MYT1L: variants seen among roughly 807,000 people sequenced by gnomAD.
The protein encoded by MYT1L is myelin transcription factor 1 like, also known as myelin transcription factor 1-like protein.
MYT1L carries 12 observed loss-of-function variants against 126.7 expected under a neutral mutation model. The observed-to-expected ratio is 0.09, with a 90% confidence interval of 0.06 to 0.15. The LOEUF (loss-of-function observed/expected upper bound fraction) is 0.15, where lower values mean the gene tolerates loss of function less well. Among genes scored for constraint, MYT1L ranks in the 10% least tolerant of loss-of-function variants. The pLI is 1.00. For synonymous variants in MYT1L, 541 were observed against 604.2 expected (o/e 0.90, Z 1.53); for missense variants, 979 against 1,585.2 (o/e 0.62, Z 6.49).
chr2:1,944,655 C>T (rs2149272184), intron 8 of MYT1L, among the ~76,000 whole-genome samples: 1 of 152,254 alleles, frequency 6.6e-6, no homozygotes, highest in East Asian at 1.9e-4. Flanking sequence ...TTGGGCAACT[C>T]CTCTATTTTG....
chr2:1,933,776 T>G (rs2149195813), intron 9 of MYT1L, among the ~76,000 whole-genome samples: 1 of 152,238 alleles, frequency 6.6e-6, no homozygotes, highest in African/African-American at 2.4e-5. Flanking sequence ...GGACACTGCC[T>G]AGCACAGTGC....
At chr2:2,298,623 G>C (rs1331932248) in intron 1 of MYT1L, among the ~76,000 whole-genome samples, 1 of 152,196 alleles carries the variant, frequency 6.6e-6, no homozygotes, top group Non-Finnish European at 1.5e-5. Flanking sequence ...ACACACCTGA[G>C]TTCTGGGAGG....
intron 4 of MYT1L, among the ~76,000 whole-genome samples, chr2:2,016,560 C>T (rs1010951633): frequency 6.6e-6 from 1 of 152,230 alleles, no homozygotes; most frequent in African/African-American, 2.4e-5. Flanking sequence ...AGGAATCCAA[C>T]ACCCTTCTCT....
intron 3 of MYT1L, among the ~76,000 whole-genome samples, chr2:2,110,254 G>C (rs1364048717): frequency 6.6e-6 from 1 of 152,018 alleles, no homozygotes; most frequent in African/African-American, 2.4e-5. Context: ...CAGTGCTCCA[G>C]TACCTCCTAC....
intron 3 of MYT1L, among the ~76,000 whole-genome samples, chr2:2,138,635 A>G (rs1434102045): frequency 7.8e-5 from 10 of 128,436 alleles, no homozygotes; most frequent in Non-Finnish European, 1.2e-4. Flanking sequence ...ATAGGTGGGA[A>G]TTGAACAATG....
rs1289678253 is a variant in MYT1L, at chr2:2,259,348, A to C, written c.-421+25056T>G. Among the ~76,000 whole-genome samples, 5 of 138,424 alleles carry C rather than the reference A, an allele frequency of 3.6e-5. No individual in the cohort carries two copies. In the East Asian group the frequency reaches 1.0e-3, roughly 29 times the overall value. The allele number at this position is 138,424 out of a possible 152,430, so 90.8% of individuals were successfully genotyped here. On this transcript the variant is annotated intron_variant, in intron 2 of 24. Coordinates refer to ENST00000647738, the MANE Select transcript of MYT1L (RefSeq NM_001303052.2). ...AGCATGGCACATGTATACATATGTA[A>C]CTAACCTGCACAATGTGCACATGTA...
intron 2 of MYT1L, among the ~76,000 whole-genome samples, chr2:2,278,043 A>G (rs1262936249): frequency 2.0e-5 from 3 of 152,226 alleles, no homozygotes; most frequent in African/African-American, 7.2e-5. Flanking sequence ...TCATATACAA[A>G]ATTAGACTTC....
At chr2:1,921,315 G>A (rs568660350) in intron 10 of MYT1L, among the ~76,000 whole-genome samples, 2 of 152,286 alleles carry the variant, frequency 1.3e-5, no homozygotes, top group Admixed American at 1.3e-4. Flanking sequence ...TATCCACAAA[G>A]TCAAGGTTAT....
intron 3 of MYT1L, among the ~76,000 whole-genome samples, chr2:2,136,292 G>T (rs1307098229): frequency 1.3e-5 from 2 of 152,196 alleles, no homozygotes; most frequent in African/African-American, 4.8e-5. Flanking sequence ...CCAGCATACA[G>T]ATGCCTTTGT....
intron 3 of MYT1L, among the ~76,000 whole-genome samples, chr2:2,103,816 A>C (rs1000734493): frequency 5.3e-5 from 8 of 152,242 alleles, no homozygotes; most frequent in African/African-American, 1.9e-4. Flanking sequence ...TTGTCATGTC[A>C]GATTTGGGTG....
At chr2:1,858,220 A>G (rs1233246770) in intron 18 of MYT1L, among the ~76,000 whole-genome samples, 1 of 152,220 alleles carries the variant, frequency 6.6e-6, no homozygotes, top group Non-Finnish European at 1.5e-5. Context: ...ACAATAAAGA[A>G]ATGTAGAGAA....
Position 1,845,060 on chromosome 2 carries a change from C to G in MYT1L, c.2775-4217G>C, listed in dbSNP as rs549403951. Among the ~76,000 whole-genome samples the G allele has an allele frequency of 1.1e-4, 16 of 151,858 alleles. 1 individual carries two copies. Among genetic ancestry groups the G allele is most frequent in the Admixed American group, 9.8e-4 (15 of 15,246 alleles). ...GGGGCATGACCTTGGCTCGCTGAAG[C>G]CTCCGCCTCCCAGATTCAAACGATT... is the stretch of plus-strand genomic sequence containing the variant. On this transcript the variant is annotated intron_variant, in intron 19 of 24. Transcript: ENST00000647738.
intron 2 of MYT1L, among the ~76,000 whole-genome samples, chr2:2,270,127 A>C (rs7601823): frequency 5.7e-4 from 87 of 152,132 alleles, no homozygotes; most frequent in Non-Finnish European, 8.5e-4. Flanking sequence ...CCAGCTCTGC[A>C]TCTTCACCTT....
intron 3 of MYT1L, among the ~76,000 whole-genome samples, chr2:2,104,177 C>T (rs1461119565): frequency 6.6e-6 from 1 of 152,126 alleles, no homozygotes; most frequent in Non-Finnish European, 1.5e-5. Flanking sequence ...AGGTACTAGG[C>T]AGCTGGAAGA....
chr2:2,311,796 T>C (rs887333234), intron 1 of MYT1L, among the ~76,000 whole-genome samples: 8 of 152,224 alleles, frequency 5.3e-5, no homozygotes, highest in Admixed American at 2.0e-4. Context: ...ATATTTGGCC[T>C]ACGGTGACTT....
chr2:2,194,129 AAGTGC>A (rs1372056452), intron 2 of MYT1L, among the ~76,000 whole-genome samples: 2 of 151,936 alleles, frequency 1.3e-5, no homozygotes, highest in African/African-American at 4.8e-5. Flanking sequence ...CCCCAGGCTG[AAGTGC>A]AGTGGTGTGG....
intron 4 of MYT1L, among the ~76,000 whole-genome samples, chr2:2,013,913 T>C (rs1383029517): frequency 6.6e-6 from 1 of 152,222 alleles, no homozygotes; most frequent in Non-Finnish European, 1.5e-5. Context: ...CCTTCCCACA[T>C]AAACTTTTTA....
rs1244593435 is a variant in MYT1L at position 1,956,436 on chromosome 2, ATCTACCT to A, written c.153-13109_153-13103del. Among the ~76,000 whole-genome samples the A allele has an allele frequency of 7.3e-4, 82 of 112,782 alleles. 14 individuals are homozygous for A. Among genetic ancestry groups the A allele is most frequent in the African/African-American group, 3.0e-3 (78 of 26,412 alleles). The allele number at this position is 112,782 out of a possible 152,430, so 74.0% of individuals were successfully genotyped here. ...TATCTATCTATCTATCTATCTATCT[ATCTACCT>A]ATCATCTATCTATCCTATTCTATAT... is the stretch of plus-strand genomic sequence containing the variant. On this transcript the variant is annotated intron_variant, in intron 8 of 24. Transcript: ENST00000647738.
At chr2:1,858,228 G>A (rs1245714359) in intron 18 of MYT1L, among the ~76,000 whole-genome samples, 1 of 152,186 alleles carries the variant, frequency 6.6e-6, no homozygotes, top group Non-Finnish European at 1.5e-5. Flanking sequence ...GAAATGTAGA[G>A]AAAGGCAAAA....
Sources: allele counts gnomAD v4.1 joint callset (sites outside exome capture counted in the v4.1 genomes callset), GRCh38; gene constraint gnomAD v4.1.1; transcripts MANE v1.5; gene names NCBI Gene and HGNC (gene_info 2026-07-23, HGNC 2026-07-21).